The following SMIM14 variants were observed in gnomAD, a reference collection of about 807,000 sequenced individuals.
The protein encoded by SMIM14 is chromosome 4 open reading frame 34.
Under a neutral mutation model 12.6 loss-of-function variants are expected in SMIM14, and 5 were observed. That is an observed-to-expected ratio of 0.40 (90% CI 0.21 to 0.83). The LOEUF is 0.83. Ranked by LOEUF, SMIM14 falls within the 40% of genes least tolerant of loss-of-function variation. The pLI is 0.37. For missense variants in SMIM14, 86 were observed against 119.1 expected, an observed-to-expected ratio of 0.72 and a Z score of 1.29; for synonymous variants, 30 against 40.1, an observed-to-expected ratio of 0.75 and a Z score of 0.95.
chr4:39,547,704 GA>G lies in SMIM14; in HGVS notation c.*4421del, dbSNP rs1256557286. 1.3e-5 allele frequency: 2 copies of G among 152,076 alleles called. No homozygotes were observed. The highest frequency in any genetic ancestry group is 2.9e-5 in the Non-Finnish European group (2 of 68,030). 9.4% of individuals were successfully genotyped at this position (152,076 alleles called of 1,614,324 possible). On this transcript the variant is annotated 3_prime_UTR_variant, in exon 5 of 5. Coordinates refer to ENST00000295958, the MANE Select transcript of SMIM14 (RefSeq NM_174921.3). ...AGAGTGACAGACTTTCATTTAGAGTGATAGACTTCCAAGGTTCCTTTGAAAA... is the reference window on the plus strand; with the variant it reads ...AGAGTGACAGACTTTCATTTAGAGTGTAGACTTCCAAGGTTCCTTTGAAAA...
chr4:39,603,128 A>C (rs1398897094), intron 2 of SMIM14, among the ~76,000 whole-genome samples: 1 of 152,200 alleles, frequency 6.6e-6, no homozygotes, highest in Non-Finnish European at 1.5e-5. Flanking sequence ...AAATATTCCA[A>C]AATGCAAAAA....
At position 39,610,889 on chromosome 4, in the gene SMIM14, G is replaced by C. The variant is rs17439038; in HGVS notation, c.-35-5709C>G. On this transcript the variant is annotated intron_variant, in intron 1 of 4. Coordinates refer to ENST00000295958, the MANE Select transcript of SMIM14 (RefSeq NM_174921.3). ...AGGCACACATACATAACTACAAGAA[G>C]ATGACTGGGATACATATAGAATATA... Among the ~76,000 whole-genome samples the C allele has an allele frequency of 6.6e-3, 1,005 of 152,104 alleles. 5 individuals carry two copies. Among genetic ancestry groups the C allele is most frequent in the Non-Finnish European group, 9.1e-3 (622 of 67,988 alleles).
At chr4:39,633,131 T>G (rs1040360089) in intron 1 of SMIM14, among the ~76,000 whole-genome samples, 5 of 151,784 alleles carry the variant, frequency 3.3e-5, no homozygotes, top group Non-Finnish European at 5.9e-5. Flanking sequence ...CTGTCTCTAC[T>G]AAATATACAA....
intron 2 of SMIM14, among the ~76,000 whole-genome samples, chr4:39,585,521 T>C (rs1001513420): frequency 6.6e-6 from 1 of 152,004 alleles, no homozygotes; most frequent in Non-Finnish European, 1.5e-5. Flanking sequence ...GGTCTCGAAC[T>C]CCCGACCTCA....
At chr4:39,590,022 CAAAAAA>C (rs34159677) in intron 2 of SMIM14, among the ~76,000 whole-genome samples, 7 of 71,350 alleles carry the variant, frequency 9.8e-5, no homozygotes, top group South Asian at 5.1e-4. Flanking sequence ...GACTCTGTTT[CAAAAAA>C]AAAAAAAAAA....
In SMIM14 at chr4:39,552,055, G is replaced by T; in HGVS notation, c.*71C>A. On this transcript the variant is annotated 3_prime_UTR_variant, in exon 5 of 5. Transcript: ENST00000295958. ...GGAAAAACAGTTCTAATGGGGTTAA[G>T]AGTACTCTGGTCATCTTCGTTCGTT... The T allele has an allele frequency of 7.8e-7, 1 of 1,284,876 alleles. No homozygotes were observed. Among genetic ancestry groups the T allele is most frequent in the Non-Finnish European group, 1.1e-6 (1 of 913,588 alleles). The allele number at this position is 1,284,876 out of a possible 1,614,324, so 79.6% of individuals were successfully genotyped here.
chr4:39,613,500 G>C (rs1715106917), intron 1 of SMIM14, among the ~76,000 whole-genome samples: 1 of 152,064 alleles, frequency 6.6e-6, no homozygotes, highest in Non-Finnish European at 1.5e-5. Flanking sequence ...CTTTTGGTGA[G>C]GACCCAAGAA....
Position 39,549,793 on chromosome 4 carries a change from T to C in SMIM14, c.*2333A>G, listed in dbSNP as rs1022413356. ...CTGCTCTACTTTACCAGCTATAGAGTTAGGAAGGCTTCCAGTAGGCCACAG... is the reference window on the plus strand; with the variant it reads ...CTGCTCTACTTTACCAGCTATAGAGCTAGGAAGGCTTCCAGTAGGCCACAG... On this transcript the variant is annotated 3_prime_UTR_variant, in exon 5 of 5. Transcript: ENST00000295958. The C allele has an allele frequency of 3.9e-5, 6 of 152,168 alleles. No individual in the cohort carries two copies. The highest frequency in any genetic ancestry group is 5.9e-5 in the Non-Finnish European group (4 of 68,026). The allele number at this position is 152,168 out of a possible 1,614,324, so 9.4% of individuals were successfully genotyped here. A position where few individuals can be genotyped will look rare whatever the true frequency, so the allele number is the denominator to read the frequency against.
intron 1 of SMIM14, among the ~76,000 whole-genome samples, chr4:39,635,267 C>G (rs763019128): frequency 6.6e-6 from 1 of 152,118 alleles, no homozygotes; most frequent in Non-Finnish European, 1.5e-5. Flanking sequence ...TGGCCAGGCT[C>G]CAGGGTACTG....
At chr4:39,569,773 T>C (rs932283042) in intron 3 of SMIM14, among the ~76,000 whole-genome samples, 2 of 152,102 alleles carry the variant, frequency 1.3e-5, no homozygotes, top group Non-Finnish European at 2.9e-5. Context: ...GAAATTATTT[T>C]TGAGCTGTAG....
chr4:39,625,077 G>C (rs930834162), intron 1 of SMIM14, among the ~76,000 whole-genome samples: 2 of 151,412 alleles, frequency 1.3e-5, no homozygotes, highest in Non-Finnish European at 2.9e-5. Flanking sequence ...AGTTAGCTGG[G>C]TGTGGTGGTG....
chr4:39,567,429 CCTGTCTCTACAA>C (rs1712635227), intron 3 of SMIM14, among the ~76,000 whole-genome samples: 1 of 151,964 alleles, frequency 6.6e-6, no homozygotes, highest in Non-Finnish European at 1.5e-5. Flanking sequence ...CATGCAAAAC[CCTGTCTCTACAA>C]AAAATACAAA....
intron 1 of SMIM14, among the ~76,000 whole-genome samples, chr4:39,621,528 G>C (rs1282998767): frequency 6.6e-6 from 1 of 151,992 alleles, no homozygotes; most frequent in African/African-American, 2.4e-5. Context: ...CCAGTTCTAA[G>C]ACTATCAAGG....
Position 39,551,929 on chromosome 4 carries a change from G to A in SMIM14, c.*197C>T, listed in dbSNP as rs769376708. The stretch of plus-strand genomic sequence containing the variant: ...ATATAATCATTCACTCAAATATACT[G>A]TAAATAGGAATGGCAGTAACACAGG... On this transcript the variant is annotated 3_prime_UTR_variant, in exon 5 of 5. Coordinates refer to ENST00000295958, the MANE Select transcript of SMIM14 (RefSeq NM_174921.3). 2 of 417,572 alleles carry A rather than the reference G, an allele frequency of 4.8e-6. No individual in the cohort carries two copies. The highest frequency in any genetic ancestry group is 8.7e-6 in the Non-Finnish European group (2 of 229,492). 25.9% of individuals were successfully genotyped at this position (417,572 alleles called of 1,614,324 possible).
intron 2 of SMIM14, among the ~76,000 whole-genome samples, chr4:39,586,293 G>A (rs1356615660): frequency 6.6e-6 from 1 of 151,816 alleles, no homozygotes; most frequent in South Asian, 2.1e-4. Context: ...CAATCAGGAG[G>A]AACCAAGCCA....
chr4:39,635,113 A>G (rs903228267), intron 1 of SMIM14, among the ~76,000 whole-genome samples: 1 of 152,196 alleles, frequency 6.6e-6, no homozygotes, highest in Non-Finnish European at 1.5e-5. Flanking sequence ...GAATAACACA[A>G]TGGTATCAAC....
intron 2 of SMIM14, among the ~76,000 whole-genome samples, chr4:39,604,293 T>C (rs958942884): frequency 6.6e-6 from 1 of 151,934 alleles, no homozygotes; most frequent in Admixed American, 6.6e-5. Context: ...TCCCAGCACT[T>C]TGGGGGGCTA....
At chr4:39,590,718 C>G (rs1714027834) in intron 2 of SMIM14, among the ~76,000 whole-genome samples, 1 of 151,252 alleles carries the variant, frequency 6.6e-6, no homozygotes, top group Non-Finnish European at 1.5e-5. Flanking sequence ...AGGAGAATTG[C>G]TTGAACCCAG....
At chr4:39,593,643 C>T (rs977481419) in intron 2 of SMIM14, 26 of 152,116 alleles carry the variant, frequency 1.7e-4, no homozygotes, top group African/African-American at 6.0e-4. Flanking sequence ...GATTGTATAT[C>T]TAGAAAACCC....
Sources: gnomAD v4.1 joint callset for allele counts (sites outside exome capture counted in the v4.1 genomes callset) on GRCh38, gnomAD v4.1.1 for gene constraint, MANE v1.5 for transcripts, NCBI Gene and HGNC (gene_info 2026-07-23, HGNC 2026-07-21) for gene names.